SORCS1: variants seen among roughly 807,000 people sequenced by gnomAD.
The protein encoded by SORCS1 is sortilin related VPS10 domain containing receptor 1, also known as VPS10 domain-containing receptor SorCS1.
A neutral mutation model predicts 146.1 loss-of-function variants in SORCS1; 60 were observed. The ratio of observed to expected loss-of-function variants is 0.41; its 90% CI spans 0.33 to 0.51. The LOEUF is 0.51. Ranked by LOEUF, SORCS1 falls within the 20% of genes least tolerant of loss-of-function variation. The pLI is 0.21. For synonymous variants in SORCS1, 637 were observed against 584.0 expected, an observed-to-expected ratio of 1.09 and a Z score of -1.31; for missense variants, 1,352 against 1,487.6, an observed-to-expected ratio of 0.91 and a Z score of 1.50.
At chr10:106,901,550 A>C (rs1287681203) in intron 2 of SORCS1, among the ~76,000 whole-genome samples, 1 of 152,176 alleles carries the variant, frequency 6.6e-6, no homozygotes, top group African/African-American at 2.4e-5. Flanking sequence ...CTCCTGCCTC[A>C]GCCTCCCAAA....
At chr10:106,954,932 C>T (rs1954861854) in intron 2 of SORCS1, among the ~76,000 whole-genome samples, 1 of 152,226 alleles carries the variant, frequency 6.6e-6, no homozygotes, top group South Asian at 2.1e-4. Context: ...TGGGACCCAC[C>T]CAACAGCGAG....
rs1564838013 is a variant in SORCS1, at chr10:106,944,871, C to CTTTTTTT, written c.626+11641_626+11642insAAAAAAA. On this transcript the variant is annotated intron_variant, in intron 2 of 25. Coordinates refer to ENST00000263054, the MANE Select transcript of SORCS1 (RefSeq NM_052918.5). The stretch of plus-strand genomic sequence containing the variant: ...ATGGTAGAAAGAAGCAAGAAAGAGC[C>CTTTTTTT]TTCTTTTTTTTTTTTTTTTTTTTTT... 1.5e-3 allele frequency among the ~76,000 whole-genome samples: 94 copies of CTTTTTTT among 61,006 alleles called. 11 individuals are homozygous for CTTTTTTT. Among genetic ancestry groups the CTTTTTTT allele is most frequent in the African/African-American group, 4.1e-3 (92 of 22,378 alleles). The allele number at this position is 61,006 out of a possible 152,430, so 40.0% of individuals were successfully genotyped here.
chr10:106,666,726 T>TA (rs959718521), intron 17 of SORCS1, among the ~76,000 whole-genome samples: 1 of 151,284 alleles, frequency 6.6e-6, no homozygotes, highest in Non-Finnish European at 1.5e-5. Context: ...GCAGTTAATT[T>TA]TTTTTTTTTT....
At chr10:107,108,122 G>C (rs1440211070) in intron 1 of SORCS1, among the ~76,000 whole-genome samples, 1 of 152,236 alleles carries the variant, frequency 6.6e-6, no homozygotes, top group African/African-American at 2.4e-5. Flanking sequence ...TGTTGGTTGT[G>C]AGCAATCCTA....
At chr10:106,716,434 ATGACTT>A (rs1855379783) in intron 6 of SORCS1, among the ~76,000 whole-genome samples, 1 of 152,222 alleles carries the variant, frequency 6.6e-6, no homozygotes, top group Non-Finnish European at 1.5e-5. Flanking sequence ...AAATCAGACT[ATGACTT>A]TAAGATCCAA....
At chr10:106,829,163 C>T (rs756623786) in intron 3 of SORCS1, among the ~76,000 whole-genome samples, 6 of 152,204 alleles carry the variant, frequency 3.9e-5, no homozygotes, top group Non-Finnish European at 8.8e-5. Context: ...CAGGACAATG[C>T]ATTCACTTAA....
At chr10:106,737,148 A>C (rs1029142414) in intron 5 of SORCS1, among the ~76,000 whole-genome samples, 6 of 152,236 alleles carry the variant, frequency 3.9e-5, no homozygotes, top group Admixed American at 6.5e-5. Context: ...TCAGGAGAGC[A>C]GTGAGGAGAT....
chr10:107,131,141 C>T (rs1364998925), intron 1 of SORCS1, among the ~76,000 whole-genome samples: 2 of 152,126 alleles, frequency 1.3e-5, no homozygotes, highest in African/African-American at 4.8e-5. Flanking sequence ...TAGTACCTGT[C>T]CTTAGTTCTG....
At chr10:106,597,033 G>A (rs1159920170) in intron 24 of SORCS1, among the ~76,000 whole-genome samples, 2 of 152,060 alleles carry the variant, frequency 1.3e-5, no homozygotes, top group African/African-American at 4.8e-5. Flanking sequence ...TGTATGTTTA[G>A]TACAGATGGG....
chr10:106,623,190 C>A (rs1435108695), intron 19 of SORCS1, among the ~76,000 whole-genome samples: 2 of 151,648 alleles, frequency 1.3e-5, no homozygotes, highest in East Asian at 1.9e-4. Context: ...ATAAACTATG[C>A]TAGAAATGCT....
At chr10:107,016,746 T>A (rs189871580) in intron 1 of SORCS1, among the ~76,000 whole-genome samples, 1 of 152,096 alleles carries the variant, frequency 6.6e-6, no homozygotes, top group Non-Finnish European at 1.5e-5. Context: ...AGGGAAGGTA[T>A]CCAGTAGGAG....
At chr10:106,650,227 A>C (rs1003325608) in intron 18 of SORCS1, among the ~76,000 whole-genome samples, 1 of 152,226 alleles carries the variant, frequency 6.6e-6, no homozygotes, top group Non-Finnish European at 1.5e-5. Flanking sequence ...TTTAGAGTTG[A>C]AGAGAGTCAC....
At chr10:106,787,687 C>T (rs151004209) in intron 3 of SORCS1, among the ~76,000 whole-genome samples, 4 of 152,124 alleles carry the variant, frequency 2.6e-5, no homozygotes, top group African/African-American at 4.8e-5. Flanking sequence ...TTCTTTAAAC[C>T]GTTTCAAACA....
chr10:106,966,010 A>G (rs1955474761), intron 1 of SORCS1, among the ~76,000 whole-genome samples: 1 of 152,222 alleles, frequency 6.6e-6, no homozygotes, highest in Admixed American at 6.5e-5. Context: ...CCCTGGTAAA[A>G]TCCTCTTCAG....
chr10:107,139,311 T>G (rs1967599885), intron 1 of SORCS1, among the ~76,000 whole-genome samples: 1 of 152,162 alleles, frequency 6.6e-6, no homozygotes, highest in Non-Finnish European at 1.5e-5. Flanking sequence ...TTAGCCATGT[T>G]GATATAAGAT....
intron 1 of SORCS1, among the ~76,000 whole-genome samples, chr10:107,024,624 C>T (rs939618966): frequency 3.3e-5 from 5 of 152,082 alleles, no homozygotes; most frequent in Non-Finnish European, 5.9e-5. Flanking sequence ...TGTGTGTAGG[C>T]TTTGAGAGGT....
rs150466217 is a variant in SORCS1 at position 106,866,179 on chromosome 10, A to G, written c.627-36506T>C. Among the ~76,000 whole-genome samples, 534 of 152,212 alleles carry G rather than the reference A, an allele frequency of 3.5e-3. 2 individuals are homozygous for G. Among genetic ancestry groups the G allele is most frequent in the African/African-American group, 0.012 (504 of 41,536 alleles). ...AGGGGTAACTGAAAGCCTCTATGCC[A>G]CTGACTCTGCAGTGGAACTGCCCTT... On this transcript the variant is annotated intron_variant, in intron 2 of 25. Coordinates refer to ENST00000263054, the MANE Select transcript of SORCS1 (RefSeq NM_052918.5).
At chr10:106,706,900 T>C (rs1854572151) in intron 7 of SORCS1, among the ~76,000 whole-genome samples, 1 of 152,212 alleles carries the variant, frequency 6.6e-6, no homozygotes, top group South Asian at 2.1e-4. Context: ...ACATTTTGAG[T>C]TATTTTTTTC....
intron 6 of SORCS1, among the ~76,000 whole-genome samples, chr10:106,720,626 T>C (rs1855717503): frequency 6.6e-6 from 1 of 151,830 alleles, no homozygotes; most frequent in South Asian, 2.1e-4. Flanking sequence ...AATTTTTCAC[T>C]TGGGGATTAC....
Sources: allele counts gnomAD v4.1 joint callset (sites outside exome capture counted in the v4.1 genomes callset), GRCh38; gene constraint gnomAD v4.1.1; transcripts MANE v1.5; gene names NCBI Gene and HGNC (gene_info 2026-07-23, HGNC 2026-07-21).